The following CFAP74 variants were observed in gnomAD, a reference collection of about 807,000 sequenced individuals.
CFAP74 encodes cilia- and flagella-associated protein 74.
CFAP74 carries 124 observed loss-of-function variants against 188.9 expected under a neutral mutation model. The observed-to-expected ratio is 0.66, with a 90% CI of 0.57 to 0.76. The LOEUF (loss-of-function observed/expected upper bound fraction) is 0.76, where lower values mean the gene tolerates loss of function less well. CFAP74 is among the 30% of genes least tolerant of loss of function. The pLI, the probability that CFAP74 is intolerant of heterozygous loss-of-function variation, is 0.00. For synonymous variants in CFAP74, 956 were observed against 916.7 expected, an observed-to-expected ratio of 1.04 and a Z score of -0.77; for missense variants, 2,198 against 2,165.2, an observed-to-expected ratio of 1.02 and a Z score of -0.30.
chr1:1,962,285 G>A lies in CFAP74; in HGVS notation c.1694+1464C>T, dbSNP rs956873233. Among the ~76,000 whole-genome samples the A allele has an allele frequency of 7.2e-5, 11 of 152,154 alleles. No homozygotes were observed. The South Asian group carries it at 8.3e-4, about 11-fold the overall frequency. ...GAGGTCAGGAGTTCATGACCAGCCTGGCCAACATGGTGAAACCCCGTCTCT... is the reference window on the plus strand; with the variant it reads ...GAGGTCAGGAGTTCATGACCAGCCTAGCCAACATGGTGAAACCCCGTCTCT... On this transcript the variant is annotated intron_variant, in intron 14 of 38. Coordinates refer to ENST00000682832, the MANE Select transcript of CFAP74 (RefSeq NM_001304360.2).
Position 1,946,970 on chromosome 1 carries a change from T to C in CFAP74, c.2241+20A>G. 2.0e-6 allele frequency: 3 copies of C among 1,529,682 alleles called. No individual in the cohort carries two copies. Among genetic ancestry groups the C allele is most frequent in the Middle Eastern group, 1.7e-4 (1 of 5,986 alleles). 94.8% of individuals were successfully genotyped at this position (1,529,682 alleles called of 1,614,324 possible). On this transcript the variant is annotated intron_variant, in intron 19 of 38. Transcript: ENST00000682832. ...GTGTCTTGGATCGTGGCAGCTATTT[T>C]AGGGCCTGAGCTGGCTGACCTCCCC...
At chr1:2,000,673 C>A (rs1658162870) in intron 1 of CFAP74, among the ~76,000 whole-genome samples, 1 of 152,172 alleles carries the variant, frequency 6.6e-6, no homozygotes, top group Non-Finnish European at 1.5e-5. Flanking sequence ...CAGCAAAATT[C>A]CAATCTTCAT....
chr1:1,949,056 C>G (rs1458287134), intron 18 of CFAP74, among the ~76,000 whole-genome samples: 1 of 57,416 alleles, frequency 1.7e-5, no homozygotes, highest in Non-Finnish European at 4.0e-5. Flanking sequence ...CCCTCCTTTC[C>G]TTCCTTCCTT....
At position 1,923,102 on chromosome 1, in the gene CFAP74, C is replaced by T. The variant is rs748998655; in HGVS notation, c.4566G>A (p.Leu1522=). 5 of 1,608,542 alleles carry T rather than the reference C, an allele frequency of 3.1e-6. No homozygotes were observed. Among genetic ancestry groups the T allele is most frequent in the Non-Finnish European group, 4.2e-6 (5 of 1,178,716 alleles). ...AGTCCAGGGTCACCAGGATGGGCCT[C>T]AGCTCCTCAGCTTCTGGAGAGAGAG... ...PGPLSPEAEE[L]RPILVTLDYI... is the part of the protein sequence containing the mutation. The change falls in exon 37 of 39, where the codon CTG becomes CTA. Residue 1522 remains leucine (L), a synonymous_variant. Coordinates refer to ENST00000682832, the MANE Select transcript of CFAP74 (RefSeq NM_001304360.2). This position sits in a 1 kb window ranked among gnomAD's most constrained non-coding sequence, Gnocchi z 6.3.
At chr1:1,960,716 A>G (rs1032831814) in intron 14 of CFAP74, among the ~76,000 whole-genome samples, 1 of 152,266 alleles carries the variant, frequency 6.6e-6, no homozygotes, top group Admixed American at 6.5e-5. Context: ...CCACGGCACC[A>G]GCAGAAGCAA....
intron 15 of CFAP74, 89 bp downstream of exon 15, chr1:1,959,875 C>T (rs1654946036): frequency 3.5e-6 from 4 of 1,145,592 alleles, no homozygotes; most frequent in South Asian, 3.2e-5. Flanking sequence ...TGCATCCTTC[C>T]CCCATCATGT....
rs1325135416 is a variant in CFAP74 at position 1,970,730 on chromosome 1, C to G, written c.975G>C (p.Leu325=). Residue 325 remains leucine, a synonymous_variant, in exon 10 of 39, where the codon CTG becomes CTC. Coordinates refer to ENST00000682832, the MANE Select transcript of CFAP74 (RefSeq NM_001304360.2). ...QRVQAEKKAI[L]AQGRDAFRHL... ...GCCTGAATGCATCCCTGCCCTGGGC[C>G]AGAATCGCCTTCTTCTCAGCCTGGA... 1.2e-6 allele frequency: 2 copies of G among 1,614,066 alleles called. No homozygotes were observed. The highest frequency in any genetic ancestry group is 1.7e-6 in the Non-Finnish European group (2 of 1,180,024).
chr1:1,971,932 C>T, intron 9 of CFAP74, 48 bp downstream of exon 9: 1 of 1,473,270 alleles, frequency 6.8e-7, no homozygotes. Flanking sequence ...AGGGACGGAC[C>T]CCGGCAGGGC....
At chr1:1,929,726 G>C (rs1286241764) in intron 26 of CFAP74, among the ~76,000 whole-genome samples, 1 of 151,888 alleles carries the variant, frequency 6.6e-6, no homozygotes, top group Non-Finnish European at 1.5e-5. Flanking sequence ...AGGTCCACAG[G>C]TGCAAGGGAC....
rs1651608431 is a variant in CFAP74 at position 1,923,974 on chromosome 1, C to T, written c.4235-45G>A. On this transcript the variant is annotated intron_variant, in intron 34 of 38. Transcript: ENST00000682832. This position sits in a 1 kb window ranked among gnomAD's most constrained non-coding sequence, Gnocchi z 6.3. ...CAGTTTGGCCTTCTCCACCTGCAATCACTGTCTGCCCTCCAAGCCTTGCTG... is the reference window on the plus strand; with the variant it reads ...CAGTTTGGCCTTCTCCACCTGCAATTACTGTCTGCCCTCCAAGCCTTGCTG... The T allele has an allele frequency of 2.5e-6, 4 of 1,572,242 alleles. No individual in the cohort carries two copies. The highest frequency in any genetic ancestry group is 2.7e-5 in the African/African-American group (2 of 74,248).
intron 12 of CFAP74, among the ~76,000 whole-genome samples, chr1:1,966,115 G>A (rs1321621635): frequency 2.0e-5 from 3 of 152,216 alleles, no homozygotes; most frequent in Non-Finnish European, 4.4e-5. Flanking sequence ...CATGGTGACC[G>A]AGCTGTCTGT....
chr1:1,930,106 G>C lies in CFAP74; in HGVS notation c.3242C>G (p.Ser1081Trp), dbSNP rs187948972. The change falls in exon 26 of 39, where the codon TCG becomes TGG. Residue 1081 changes from serine to tryptophan, a missense_variant. Ser to Trp is a radical substitution (Grantham distance 177). Coordinates refer to ENST00000682832, the MANE Select transcript of CFAP74 (RefSeq NM_001304360.2). Reference protein sequence around the residue: ...TSFEFLLPPDSPITISPSVGT... With the variant: ...TSFEFLLPPDWPITISPSVGT... ...CACTGAGGGCGAGATGGTGATAGGC[G>C]AGTCTGGGGGCAGCAGGAACTCGAA... 8.1e-5 allele frequency: 125 copies of C among 1,534,426 alleles called. No individual in the cohort carries two copies. The highest frequency in any genetic ancestry group is 5.5e-4 in the Admixed American group (28 of 50,944).
intron 26 of CFAP74, among the ~76,000 whole-genome samples, chr1:1,929,687 C>T (rs59997390): frequency 1.3e-5 from 2 of 151,794 alleles, no homozygotes; most frequent in African/African-American, 2.4e-5. Context: ...TGGGAGTGGC[C>T]GACACCTTGT....
intron 5 of CFAP74, 87 bp from the exon 6 acceptor site, chr1:1,985,577 C>A: frequency 9.4e-7 from 1 of 1,066,284 alleles, no homozygotes; most frequent in Non-Finnish European, 1.4e-6. Context: ...CCCTGGCCTC[C>A]TCTCGCTCAG....
At chr1:1,978,748 C>T (rs187642963) in intron 6 of CFAP74, among the ~76,000 whole-genome samples, 4 of 152,338 alleles carry the variant, frequency 2.6e-5, no homozygotes, top group East Asian at 1.9e-4. Context: ...CATAAATCCG[C>T]GTCCTGCTGA....
At position 1,971,086 on chromosome 1, in the gene CFAP74, T is replaced by C. The variant is rs538950993; in HGVS notation, c.889-270A>G. Reference sequence around the variant, plus strand: ...ACACACGCACACCTGCACACACTCATACATGCACACCTGCACACGTGTGCA... The same window carrying C: ...ACACACGCACACCTGCACACACTCACACATGCACACCTGCACACGTGTGCA... On this transcript the variant is annotated intron_variant, in intron 9 of 38. Coordinates refer to ENST00000682832, the MANE Select transcript of CFAP74 (RefSeq NM_001304360.2). Among the ~76,000 whole-genome samples, 5 of 121,872 alleles carry C rather than the reference T, an allele frequency of 4.1e-5. No individual in the cohort carries two copies. The East Asian group carries it at 1.1e-3, about 26-fold the overall frequency. 80.0% of individuals were successfully genotyped at this position (121,872 alleles called of 152,430 possible).
At position 1,968,161 on chromosome 1, in the gene CFAP74, A is replaced by G. The variant is rs1315374532; in HGVS notation, c.1245+474T>C. On this transcript the variant is annotated intron_variant, in intron 11 of 38. Coordinates refer to ENST00000682832, the MANE Select transcript of CFAP74 (RefSeq NM_001304360.2). This position sits in a 1 kb window ranked among gnomAD's most constrained non-coding sequence, Gnocchi z 4.3. ...GAATGAAGAAAGAATGAGTGAGTGA[A>G]CGAATAAAGGATGAGTGAGTGAATG... 6.6e-6 allele frequency among the ~76,000 whole-genome samples: 1 copy of G among 152,140 alleles called. No homozygotes were observed. Among genetic ancestry groups the G allele is most frequent in the African/African-American group, 2.4e-5 (1 of 41,416 alleles).
At chr1:1,952,934 A>G (rs2102057955) in intron 18 of CFAP74, among the ~76,000 whole-genome samples, 1 of 152,298 alleles carries the variant, frequency 6.6e-6, no homozygotes, top group South Asian at 2.1e-4. Context: ...CTGGTATTAC[A>G]GGTGTGAGCT....
intron 8 of CFAP74, 77 bp from the exon 9 acceptor site, chr1:1,972,159 C>T: frequency 1.9e-6 from 2 of 1,072,992 alleles, no homozygotes; most frequent in Non-Finnish European, 2.8e-6. Flanking sequence ...CAGCTCTCTG[C>T]AGCCTCGACC....
Sources: gnomAD v4.1 joint callset for allele counts (sites outside exome capture counted in the v4.1 genomes callset) on GRCh38, gnomAD v4.1.1 for gene constraint, Gnocchi (gnomAD v3.1) non-coding constraint, MANE v1.5 for transcripts, NCBI Gene and HGNC (gene_info 2026-07-23, HGNC 2026-07-21) for gene names.